The following NKAIN2 variants were observed in gnomAD, a reference collection of about 807,000 sequenced individuals.
NKAIN2 encodes sodium/potassium transporting ATPase interacting 2.
In NKAIN2, 14 loss-of-function variants were observed where a neutral mutation model predicts 32.6. The observed-to-expected ratio is 0.43, with a 90% CI of 0.28 to 0.67. The LOEUF is 0.67. Ranked by LOEUF, NKAIN2 falls within the 30% of genes least tolerant of loss-of-function variation. NKAIN2 has a pLI of 0.17. For synonymous variants in NKAIN2, 80 were observed against 87.2 expected, an observed-to-expected ratio of 0.92 and a Z score of 0.46; for missense variants, 198 against 258.3, an observed-to-expected ratio of 0.77 and a Z score of 1.60.
intron 3 of NKAIN2, among the ~76,000 whole-genome samples, chr6:124,522,872 G>A (rs894945586): frequency 6.6e-6 from 1 of 151,864 alleles, no homozygotes; most frequent in Non-Finnish European, 1.5e-5. Context: ...GGCCGGGCGC[G>A]GTGGCTCACG....
At position 124,299,183 on chromosome 6, in the gene NKAIN2, A is replaced by G. The variant is rs555333043; in HGVS notation, c.192+16041A>G. Among the ~76,000 whole-genome samples, 44 of 152,350 alleles carry G rather than the reference A, an allele frequency of 2.9e-4. No individual in the cohort carries two copies. In the South Asian group the frequency reaches 8.9e-3, roughly 31 times the overall value. On this transcript the variant is annotated intron_variant, in intron 2 of 6. Transcript: ENST00000368417. Reference sequence around the variant, plus strand: ...AAGAAGAGAAAGAAGCAGCAGCCACAGCAGCAGAAACAGCAGCAGTGTAAG... The same window carrying G: ...AAGAAGAGAAAGAAGCAGCAGCCACGGCAGCAGAAACAGCAGCAGTGTAAG...
At chr6:124,793,237 C>T (rs369743975) in intron 5 of NKAIN2, among the ~76,000 whole-genome samples, 7 of 151,894 alleles carry the variant, frequency 4.6e-5, no homozygotes, top group East Asian at 1.9e-4. Flanking sequence ...TTGCCACTTG[C>T]GAAGAAAAAT....
chr6:124,165,399 C>T (rs1788481651), intron 1 of NKAIN2, among the ~76,000 whole-genome samples: 1 of 152,004 alleles, frequency 6.6e-6, no homozygotes, highest in Admixed American at 6.6e-5. Flanking sequence ...TGTAATTCTA[C>T]ATTTTATTCA....
chr6:124,163,142 T>C (rs1186190057), intron 1 of NKAIN2, among the ~76,000 whole-genome samples: 1 of 152,072 alleles, frequency 6.6e-6, no homozygotes, highest in African/African-American at 2.4e-5. Flanking sequence ...CAGTATGTAT[T>C]AATCTATGTG....
At chr6:123,884,851 T>C (rs1307464068) in intron 1 of NKAIN2, among the ~76,000 whole-genome samples, 1 of 152,190 alleles carries the variant, frequency 6.6e-6, no homozygotes, top group East Asian at 1.9e-4. Context: ...AACAACGTCT[T>C]GATTATACCT....
intron 1 of NKAIN2, among the ~76,000 whole-genome samples, chr6:123,841,642 T>C (rs553655752): frequency 6.6e-6 from 1 of 152,146 alleles, no homozygotes; most frequent in South Asian, 2.1e-4. Context: ...CCCAGTCTCC[T>C]GAAGAGAGTA....
intron 2 of NKAIN2, among the ~76,000 whole-genome samples, chr6:124,311,601 G>A (rs1218651978): frequency 6.6e-6 from 1 of 152,150 alleles, no homozygotes; most frequent in Non-Finnish European, 1.5e-5. Context: ...ACAAATGTAA[G>A]CAGGAAGCAA....
chr6:124,274,518 C>T (rs1434690084), intron 1 of NKAIN2, among the ~76,000 whole-genome samples: 1 of 152,060 alleles, frequency 6.6e-6, no homozygotes, highest in Non-Finnish European at 1.5e-5. Context: ...TGTTCAGTTG[C>T]TAATGATATG....
intron 3 of NKAIN2, among the ~76,000 whole-genome samples, chr6:124,601,478 G>C (rs903873844): frequency 1.2e-4 from 18 of 152,088 alleles, no homozygotes; most frequent in African/African-American, 4.1e-4. Flanking sequence ...CACATATCAA[G>C]CTTATTTCCC....
chr6:123,972,405 GC>G (rs1778385545), intron 1 of NKAIN2, among the ~76,000 whole-genome samples: 1 of 152,170 alleles, frequency 6.6e-6, no homozygotes, highest in African/African-American at 2.4e-5. Flanking sequence ...GAGACAAATA[GC>G]CTAATGGAAG....
At chr6:124,802,183 G>C (rs941375784) in intron 5 of NKAIN2, among the ~76,000 whole-genome samples, 1 of 152,242 alleles carries the variant, frequency 6.6e-6, no homozygotes, top group East Asian at 1.9e-4. Context: ...ATTACAGCAC[G>C]CATGTTTTAT....
chr6:124,248,341 T>G (rs1054768427), intron 1 of NKAIN2, among the ~76,000 whole-genome samples: 3 of 152,072 alleles, frequency 2.0e-5, no homozygotes, highest in Non-Finnish European at 2.9e-5. Flanking sequence ...ATAGCGATTG[T>G]ACATAAATGC....
intron 3 of NKAIN2, among the ~76,000 whole-genome samples, chr6:124,519,854 C>T (rs1779055865): frequency 6.6e-6 from 1 of 152,068 alleles, no homozygotes; most frequent in Non-Finnish European, 1.5e-5. Context: ...CTACTTAGAC[C>T]ATCAAAAGAG....
intron 1 of NKAIN2, among the ~76,000 whole-genome samples, chr6:124,151,503 G>A (rs1291055769): frequency 6.6e-6 from 1 of 151,890 alleles, no homozygotes; most frequent in South Asian, 2.1e-4. Context: ...CTGTCTTTTG[G>A]TGGACATATG....
chr6:124,760,027 T>C (rs1286240577), intron 4 of NKAIN2, among the ~76,000 whole-genome samples: 1 of 152,068 alleles, frequency 6.6e-6, no homozygotes, highest in Admixed American at 6.6e-5. Context: ...GTTGACTGTG[T>C]AACAGTGAAA....
intron 4 of NKAIN2, among the ~76,000 whole-genome samples, chr6:124,682,927 T>C (rs983378360): frequency 1.7e-4 from 26 of 152,170 alleles, no homozygotes; most frequent in Non-Finnish European, 2.6e-4. Context: ...GACGAGGAAG[T>C]GGCTCCCACA....
chr6:124,722,769 C>G (rs976958279), intron 4 of NKAIN2, among the ~76,000 whole-genome samples: 1 of 152,202 alleles, frequency 6.6e-6, no homozygotes, highest in Non-Finnish European at 1.5e-5. Context: ...TTTTCCATAG[C>G]TACCACCCCA....
At chr6:124,479,403 C>T (rs1042503915) in intron 3 of NKAIN2, among the ~76,000 whole-genome samples, 1 of 152,096 alleles carries the variant, frequency 6.6e-6, no homozygotes, top group African/African-American at 2.4e-5. Flanking sequence ...AAATGTCAAA[C>T]AGACTTTATT....
At chr6:124,288,790 A>G (rs985476130) in intron 2 of NKAIN2, among the ~76,000 whole-genome samples, 2 of 152,180 alleles carry the variant, frequency 1.3e-5, no homozygotes, top group Non-Finnish European at 2.9e-5. Flanking sequence ...ATTTATTTCT[A>G]TGTAATTGAA....
Sources: gnomAD v4.1 joint callset for allele counts (sites outside exome capture counted in the v4.1 genomes callset) on GRCh38, gnomAD v4.1.1 for gene constraint, MANE v1.5 for transcripts, NCBI Gene and HGNC (gene_info 2026-07-23, HGNC 2026-07-21) for gene names.